Variants in P2RX5 observed in about 807,000 individuals in gnomAD.
The protein encoded by P2RX5 is P2X purinoceptor 5.
P2RX5 carries 46 observed loss-of-function variants against 54.1 expected under a neutral mutation model. That is an observed-to-expected ratio of 0.85 (90% CI 0.67 to 1.09). P2RX5 has a LOEUF of 1.09. Among genes scored for constraint, P2RX5 ranks in the 50% least tolerant of loss-of-function variants. P2RX5 has a pLI of 0.00. For missense variants in P2RX5, 566 were observed against 549.8 expected (o/e 1.03, Z -0.29); for synonymous variants, 226 against 226.4 (o/e 1.00, Z 0.02).
chr17:3,673,621 G>C lies in P2RX5; in HGVS notation c.*247C>G. 1 of 1,424,408 alleles carries C rather than the reference G, an allele frequency of 7.0e-7. No individual in the cohort carries two copies. Among genetic ancestry groups the C allele is most frequent in the Non-Finnish European group, 9.2e-7 (1 of 1,092,100 alleles). 88.2% of individuals were successfully genotyped at this position (1,424,408 alleles called of 1,614,324 possible). Reference sequence around the variant, plus strand: ...TCCCTAGTGCGGGAAGCCAGCCACGGAGAAAGGAAGAACTGACGGCAGGGG... The same window carrying C: ...TCCCTAGTGCGGGAAGCCAGCCACGCAGAAAGGAAGAACTGACGGCAGGGG... On this transcript the variant is annotated 3_prime_UTR_variant, in exon 12 of 12. Transcript: ENST00000225328.
chr17:3,690,292 G>A (rs370355040), intron 5 of P2RX5, 135 bp downstream of exon 5: 39 of 1,122,946 alleles, frequency 3.5e-5, no homozygotes, highest in Middle Eastern at 2.7e-4. Flanking sequence ...TGGGGAGGCC[G>A]TCGGGCCTCG....
At chr17:3,698,882 T>G (rs747056947), upstream of P2RX5, among the ~76,000 whole-genome samples, 2 of 151,692 alleles carry the variant, frequency 1.3e-5, no homozygotes, top group Non-Finnish European at 2.9e-5. Flanking sequence ...TGGTGAGGCA[T>G]GACATCAAAT....
At chr17:3,704,773 G>A in the P2RX5 span, among the ~76,000 whole-genome samples, 5 of 152,206 alleles carry the variant, frequency 3.3e-5, no homozygotes, top group South Asian at 2.1e-4. Context: ...TTGGAAGGCC[G>A]AGGTGGACGG....
In P2RX5 at chr17:3,690,541, G is replaced by T; in HGVS notation, c.437-18C>A. ...CTTCACTCCTGCAGGGGTGGGACAG[G>T]ATCAATGCCAGGAGCCTCCCACTCC... On this transcript the variant is annotated intron_variant, in intron 4 of 11. Coordinates refer to ENST00000225328, the MANE Select transcript of P2RX5 (RefSeq NM_002561.4). 1 of 1,612,648 alleles carries T rather than the reference G, an allele frequency of 6.2e-7. No homozygotes were observed. The highest frequency in any genetic ancestry group is 8.5e-7 in the Non-Finnish European group (1 of 1,179,104).
chr17:3,711,152 T>C, the P2RX5 span, among the ~76,000 whole-genome samples: 1 of 152,126 alleles, frequency 6.6e-6, no homozygotes, highest in South Asian at 2.1e-4. Context: ...AAAGACCGGC[T>C]GGGAAAGTAC....
intron 11 of P2RX5, chr17:3,676,929 G>A (rs1396106527): frequency 7.7e-6 from 2 of 260,764 alleles, no homozygotes; most frequent in Non-Finnish European, 1.2e-5. Context: ...GGGCATGGTG[G>A]TGGGCACCTG....
At chr17:3,711,788 G>A in the P2RX5 span, among the ~76,000 whole-genome samples, 1 of 152,184 alleles carries the variant, frequency 6.6e-6, no homozygotes, top group Non-Finnish European at 1.5e-5. Flanking sequence ...TCTGCCTTCT[G>A]GGTTCAAGCG....
chr17:3,699,737 G>T (rs1380746368), upstream of P2RX5, among the ~76,000 whole-genome samples: 2 of 149,748 alleles, frequency 1.3e-5, no homozygotes, highest in East Asian at 4.0e-4. Flanking sequence ...CCCAGGAGGT[G>T]GAGCTTGCAG....
intron 11 of P2RX5, chr17:3,678,221 G>A (rs923382608): frequency 1.7e-5 from 6 of 357,506 alleles, no homozygotes; most frequent in East Asian, 1.7e-4. Context: ...AGGCAGCAAC[G>A]CTCCTGGCAG....
At chr17:3,701,780 G>A in the P2RX5 span, among the ~76,000 whole-genome samples, 1 of 129,222 alleles carries the variant, frequency 7.7e-6, no homozygotes, top group East Asian at 2.3e-4. Context: ...TTTTAAGACA[G>A]AGTCTTGCTC....
Position 3,673,668 on chromosome 17 carries a change from G to C in P2RX5, c.*200C>G. On this transcript the variant is annotated 3_prime_UTR_variant, in exon 12 of 12. Coordinates refer to ENST00000225328, the MANE Select transcript of P2RX5 (RefSeq NM_002561.4). ...GGGGGTGGGGCAAAAAGACAGCCAT[G>C]ATGGGTCCGTCCTGATGACCCCAGC... 2.0e-6 allele frequency: 3 copies of C among 1,473,526 alleles called. No homozygotes were observed. The highest frequency in any genetic ancestry group is 2.7e-6 in the Non-Finnish European group (3 of 1,112,264). The allele number at this position is 1,473,526 out of a possible 1,614,324, so 91.3% of individuals were successfully genotyped here. A position where few individuals can be genotyped will look rare whatever the true frequency, so the allele number is the denominator to read the frequency against.
chr17:3,712,938 G>A, the P2RX5 span, among the ~76,000 whole-genome samples: 1 of 151,762 alleles, frequency 6.6e-6, no homozygotes, highest in Non-Finnish European at 1.5e-5. Flanking sequence ...GTGAGACTCC[G>A]TCTCCAAAAA....
intron 6 of P2RX5, 119 bp downstream of exon 6, chr17:3,689,950 AC>A (rs2050562284): frequency 2.1e-6 from 2 of 937,914 alleles, no homozygotes; most frequent in Non-Finnish European, 1.8e-6. Context: ...ACGCGAACAC[AC>A]GCACACACGT....
chr17:3,675,357 G>A, intron 11 of P2RX5: 1 of 984,934 alleles, frequency 1.0e-6, no homozygotes, highest in Non-Finnish European at 1.2e-6. Flanking sequence ...CATTTTTGTT[G>A]CAATATGAAA....
intron 6 of P2RX5, 40 bp from the exon 7 acceptor site, chr17:3,689,670 CTT>C: frequency 6.2e-7 from 1 of 1,613,558 alleles, no homozygotes; most frequent in Non-Finnish European, 8.5e-7. Context: ...TGAAGTAAGA[CTT>C]GATGTTTCCC....
chr17:3,696,647 C>T (rs1025318539), upstream of P2RX5, among the ~76,000 whole-genome samples: 3 of 152,042 alleles, frequency 2.0e-5, no homozygotes, highest in South Asian at 2.1e-4. Flanking sequence ...ACCATGTTGG[C>T]CAGGCTGGTC....
upstream of P2RX5, among the ~76,000 whole-genome samples, chr17:3,698,128 G>T (rs2050791716): frequency 6.6e-6 from 1 of 151,544 alleles, no homozygotes; most frequent in African/African-American, 2.4e-5. Flanking sequence ...AAGTCATCTT[G>T]GCTCTCCTGC....
At chr17:3,676,171 T>C (rs2050099514) in intron 11 of P2RX5, 1 of 985,356 alleles carries the variant, frequency 1.0e-6, no homozygotes, top group Non-Finnish European at 1.2e-6. Flanking sequence ...GAGCTCCAGG[T>C]TTCTCACCTT....
At chr17:3,680,466 A>T (rs112686978) in intron 10 of P2RX5, among the ~76,000 whole-genome samples, 8 of 39,902 alleles carry the variant, frequency 2.0e-4, no homozygotes, top group South Asian at 1.0e-3. Flanking sequence ...TCCTCCACCC[A>T]GTGTCCTCCA....
Sources: gnomAD v4.1 joint callset for allele counts (sites outside exome capture counted in the v4.1 genomes callset) on GRCh38, gnomAD v4.1.1 for gene constraint, MANE v1.5 for transcripts, NCBI Gene and HGNC (gene_info 2026-07-23, HGNC 2026-07-21) for gene names.